The following PDE4D variants were observed in gnomAD, a reference collection of about 807,000 sequenced individuals.
PDE4D encodes 3',5'-cyclic-AMP phosphodiesterase 4D.
Under a neutral mutation model 87.4 loss-of-function variants are expected in PDE4D, and 24 were observed. That is an observed-to-expected ratio of 0.27 (90% CI 0.20 to 0.39). The LOEUF (loss-of-function observed/expected upper bound fraction) is 0.39. PDE4D is among the 10% of genes least tolerant of loss of function. PDE4D has a pLI of 1.00. For synonymous variants in PDE4D, 384 were observed against 383.2 expected (o/e 1.00, Z -0.02); for missense variants, 714 against 1,041.0 (o/e 0.69, Z 4.32).
At chr5:60,222,076 A>G (rs1744559432) in intron 1 of PDE4D, among the ~76,000 whole-genome samples, 1 of 152,130 alleles carries the variant, frequency 6.6e-6, no homozygotes, top group Non-Finnish European at 1.5e-5. Context: ...AATAGGACTA[A>G]TTTATGAAAT....
intron 2 of PDE4D, among the ~76,000 whole-genome samples, chr5:60,167,192 T>C (rs950389412): frequency 6.6e-6 from 1 of 152,120 alleles, no homozygotes; most frequent in African/African-American, 2.4e-5. Context: ...CATTTGTTTT[T>C]TGATGCTGTC....
chr5:59,791,487 T>C (rs1366833939), intron 1 of PDE4D, among the ~76,000 whole-genome samples: 1 of 152,178 alleles, frequency 6.6e-6, no homozygotes, highest in Admixed American at 6.5e-5. Context: ...CTAACCCTCA[T>C]AAAAGCAGGG....
chr5:59,510,767 G>C (rs1375840936), intron 1 of PDE4D, among the ~76,000 whole-genome samples: 1 of 151,952 alleles, frequency 6.6e-6, no homozygotes, highest in African/African-American at 2.4e-5. Context: ...ATAAGGGTCT[G>C]AGTGAAAACT....
Position 60,378,208 on chromosome 5 carries a change from A to G in PDE4D, c.-90+109734T>C, listed in dbSNP as rs556788039. Among the ~76,000 whole-genome samples the G allele has an allele frequency of 2.0e-5, 3 of 152,338 alleles. No homozygotes were observed. In the East Asian group the frequency reaches 5.8e-4, roughly 29 times the overall value. On this transcript the variant is annotated intron_variant, in intron 1 of 16. Coordinates refer to the PDE4D transcript ENST00000502484. ...TTCAATAAATTAATAAGAATATTTC[A>G]TGGTGACATGAATGCCCTTGTGTCT...
intron 1 of PDE4D, among the ~76,000 whole-genome samples, chr5:59,613,257 C>T (rs906756634): frequency 6.6e-6 from 1 of 152,124 alleles, no homozygotes; most frequent in African/African-American, 2.4e-5. Flanking sequence ...AAGACAACAA[C>T]AAAGTTTGGT....
At chr5:60,216,975 C>T (rs1743916986) in intron 1 of PDE4D, among the ~76,000 whole-genome samples, 1 of 152,024 alleles carries the variant, frequency 6.6e-6, no homozygotes. Context: ...ACAATAACAT[C>T]ATATACATTC....
chr5:60,247,292 T>C (rs1245713453), intron 1 of PDE4D, among the ~76,000 whole-genome samples: 2 of 151,966 alleles, frequency 1.3e-5, no homozygotes. Flanking sequence ...TTCTGACCCA[T>C]AGTAATGATT....
chr5:59,128,015 C>CGTGTGTGTGT (rs55796726), intron 5 of PDE4D, among the ~76,000 whole-genome samples: 10,273 of 144,244 alleles, frequency 0.071, 446 homozygotes, highest in South Asian at 0.09. Context: ...CTTTCAGAGC[C>CGTGTGTGTGT]GTGTGTGTGT....
intron 1 of PDE4D, among the ~76,000 whole-genome samples, chr5:60,322,581 C>T (rs1756409333): frequency 6.6e-6 from 1 of 152,140 alleles, no homozygotes; most frequent in South Asian, 2.1e-4. Flanking sequence ...CAATTAAGGG[C>T]ACTTCCGCAA....
At chr5:59,906,563 G>A (rs929517628) in intron 3 of PDE4D, among the ~76,000 whole-genome samples, 2 of 152,146 alleles carry the variant, frequency 1.3e-5, no homozygotes, top group South Asian at 2.1e-4. Context: ...TGGCAGAGTT[G>A]AGTATGACAG....
At chr5:59,770,196 T>A (rs952893738) in intron 1 of PDE4D, among the ~76,000 whole-genome samples, 3 of 152,182 alleles carry the variant, frequency 2.0e-5, no homozygotes, top group Non-Finnish European at 2.9e-5. Context: ...TTTACATCAT[T>A]AAGTGGCAAG....
chr5:59,750,455 A>G (rs940607803), intron 1 of PDE4D, among the ~76,000 whole-genome samples: 2 of 152,158 alleles, frequency 1.3e-5, no homozygotes, highest in Non-Finnish European at 2.9e-5. Context: ...CGTACTTGAA[A>G]TCACAATGAA....
At chr5:60,038,917 C>T (rs1341431113) in intron 2 of PDE4D, among the ~76,000 whole-genome samples, 1 of 150,902 alleles carries the variant, frequency 6.6e-6, no homozygotes, top group Non-Finnish European at 1.5e-5. Context: ...GAATGGTGAT[C>T]ATTAAAAAGT....
chr5:60,018,701 CA>C (rs897627419), intron 2 of PDE4D, among the ~76,000 whole-genome samples: 1 of 151,852 alleles, frequency 6.6e-6, no homozygotes, highest in Non-Finnish European at 1.5e-5. Context: ...TAGTTTCTGA[CA>C]AAACAGATTT....
chr5:59,920,983 G>A (rs1380414928), intron 3 of PDE4D, among the ~76,000 whole-genome samples: 1 of 152,134 alleles, frequency 6.6e-6, no homozygotes, highest in Non-Finnish European at 1.5e-5. Flanking sequence ...CCTGCACGTT[G>A]TGCACATGTA....
intron 3 of PDE4D, among the ~76,000 whole-genome samples, chr5:59,902,164 C>A (rs1394889185): frequency 1.3e-5 from 2 of 152,144 alleles, no homozygotes; most frequent in East Asian, 3.9e-4. Flanking sequence ...TAGCAGAAGA[C>A]AACAAACAGA....
chr5:59,269,779 T>A (rs1763479340), intron 1 of PDE4D, among the ~76,000 whole-genome samples: 1 of 152,058 alleles, frequency 6.6e-6, no homozygotes, highest in Admixed American at 6.6e-5. Context: ...AAAAATTATA[T>A]CTATATATTG....
intron 1 of PDE4D, among the ~76,000 whole-genome samples, chr5:59,714,449 A>T (rs958607681): frequency 1.3e-5 from 2 of 152,228 alleles, no homozygotes; most frequent in Non-Finnish European, 2.9e-5. Context: ...AATAGAGGCC[A>T]CATGTGAAAT....
intron 1 of PDE4D, among the ~76,000 whole-genome samples, chr5:59,810,152 C>A (rs776288680): frequency 6.6e-6 from 1 of 152,180 alleles, no homozygotes; most frequent in African/African-American, 2.4e-5. Context: ...AGATGGCGCA[C>A]ACTTCTCAGA....
Sources: allele counts gnomAD v4.1 joint callset (sites outside exome capture counted in the v4.1 genomes callset), GRCh38; gene constraint gnomAD v4.1.1; transcripts MANE v1.5; gene names NCBI Gene and HGNC (gene_info 2026-07-23, HGNC 2026-07-21).